LAMB1: variants seen among roughly 807,000 people sequenced by gnomAD.
LAMB1 encodes laminin subunit beta-1.
Under a neutral mutation model 222.3 loss-of-function variants are expected in LAMB1, and 121 were observed. That is an observed-to-expected ratio of 0.54 (90% confidence interval 0.47 to 0.63). The LOEUF (loss-of-function observed/expected upper bound fraction) is 0.63, where lower values mean the gene tolerates loss of function less well. Among genes scored for constraint, LAMB1 ranks in the 30% least tolerant of loss-of-function variants. LAMB1 has a pLI of 0.00. For synonymous variants in LAMB1, 794 were observed against 807.2 expected (o/e 0.98, Z 0.28); for missense variants, 2,172 against 2,240.8 (o/e 0.97, Z 0.62).
chr7:107,944,912 T>C (rs1186617914), intron 24 of LAMB1, among the ~76,000 whole-genome samples: 2 of 152,212 alleles, frequency 1.3e-5, no homozygotes. Context: ...AGTGGGCTCC[T>C]TCTCTCTTAA....
rs779694423 is a variant in LAMB1, at chr7:107,975,399, G to A, written c.1204C>T (p.Pro402Ser). The change falls in exon 11 of 34, where the codon CCA becomes TCA. Residue 402 changes from proline (P) to serine (S), a missense_variant. Coordinates refer to ENST00000222399, the MANE Select transcript of LAMB1 (RefSeq NM_002291.3). ...PNFCERCTCD[P>S]AGSQNEGICD... ...ATTCCCTCATTTTGAGAGCCAGCTG[G>A]GTCACACGTACATCCTGAGAAGAAT... is the stretch of plus-strand genomic sequence containing the variant. The A allele has an allele frequency of 6.8e-6, 11 of 1,612,286 alleles. No individual in the cohort carries two copies. In the East Asian group the frequency reaches 1.8e-4, roughly 26 times the overall value.
chr7:107,935,781 A>G, intron 26 of LAMB1, 125 bp from the exon 27 acceptor site: 1 of 1,103,040 alleles, frequency 9.1e-7, no homozygotes, highest in East Asian at 2.4e-5. Context: ...TCAAGAAAAA[A>G]TATTTATGAA....
chr7:107,929,705 A>G (rs1787431799), intron 29 of LAMB1, 86 bp from the exon 30 acceptor site: 1 of 1,054,118 alleles, frequency 9.5e-7, no homozygotes, highest in African/African-American at 1.6e-5. Flanking sequence ...TCTACTATGG[A>G]CTAGCATGGT....
intron 13 of LAMB1, 80 bp downstream of exon 13, chr7:107,972,912 C>T: frequency 9.0e-7 from 1 of 1,115,070 alleles, no homozygotes; most frequent in Non-Finnish European, 1.4e-6. Context: ...TTTTGAGAAA[C>T]AACTGAATGT....
In LAMB1 at chr7:107,998,359, T is replaced by G; in HGVS notation, c.347A>C (p.Asn116Thr). Residue 116 changes from asparagine to threonine, a missense_variant and splice_region_variant, in exon 4 of 34, where the codon AAT becomes ACT. Physicochemically the swap from Asn to Thr is moderately conservative, Grantham distance 65. Transcript: ENST00000222399. ...NRLKIWWQSE[N>T]GVENVTIQLD... Reference sequence around the variant, plus strand: ...TTGTCCCCACACCAACCACATACCATTTTCAGATTGCCACCAAATCTTAAG... The same window carrying G: ...TTGTCCCCACACCAACCACATACCAGTTTCAGATTGCCACCAAATCTTAAG... 2 of 1,613,840 alleles carry G rather than the reference T, an allele frequency of 1.2e-6. No individual in the cohort carries two copies. The highest frequency in any genetic ancestry group is 1.7e-6 in the Non-Finnish European group (2 of 1,179,902).
At position 107,951,305 on chromosome 7, in the gene LAMB1, C is replaced by G; in HGVS notation, c.3312G>C (p.Gln1104His). 1 of 1,614,168 alleles carries G rather than the reference C, an allele frequency of 6.2e-7. No individual in the cohort carries two copies. Among genetic ancestry groups the G allele is most frequent in the South Asian group, 1.1e-5 (1 of 91,088 alleles). ...TGCGGCCTCCAAACCCAGGCATGCA[C>G]TGGCACTGCCCCGTGAACTGCGGCC... ...PSCNEFTGQC[Q>H]CMPGFGGRTC... is the part of the protein sequence containing the mutation. The change falls in exon 24 of 34, where the codon CAG becomes CAC. Residue 1104 changes from glutamine (Q) to histidine (H), a missense_variant. Coordinates refer to ENST00000222399, the MANE Select transcript of LAMB1 (RefSeq NM_002291.3).
chr7:107,981,916 C>T (rs1346669445), intron 7 of LAMB1, among the ~76,000 whole-genome samples: 1 of 152,190 alleles, frequency 6.6e-6, no homozygotes, highest in Non-Finnish European at 1.5e-5. Flanking sequence ...GAGAACATTT[C>T]AAGTTTTTAA....
intron 9 of LAMB1, among the ~76,000 whole-genome samples, chr7:107,977,831 C>G (rs2033898069): frequency 6.6e-6 from 1 of 152,146 alleles, no homozygotes; most frequent in South Asian, 2.1e-4. Flanking sequence ...AGCTGCCAAA[C>G]TACTCAGCTC....
intron 12 of LAMB1, among the ~76,000 whole-genome samples, chr7:107,973,694 G>C (rs1372229243): frequency 1.3e-5 from 2 of 152,128 alleles, no homozygotes; most frequent in Non-Finnish European, 2.9e-5. Flanking sequence ...TGCCCAGGCT[G>C]GAGTGCAGTG....
chr7:108,001,021 G>C (rs2150457896), intron 3 of LAMB1, among the ~76,000 whole-genome samples: 1 of 152,206 alleles, frequency 6.6e-6, no homozygotes, highest in East Asian at 1.9e-4. Context: ...CCTGTATCAG[G>C]GTACCATGGC....
chr7:107,995,978 C>T (rs1484700247), intron 4 of LAMB1, among the ~76,000 whole-genome samples: 5 of 152,078 alleles, frequency 3.3e-5, no homozygotes, highest in Admixed American at 3.3e-4. Flanking sequence ...GTCATTGGAA[C>T]GGATATGAGT....
intron 5 of LAMB1, among the ~76,000 whole-genome samples, chr7:107,990,983 G>A (rs1015507869): frequency 3.9e-5 from 6 of 151,998 alleles, no homozygotes; most frequent in East Asian, 1.9e-4. Flanking sequence ...CTTTATTCTC[G>A]CCATCCCAGT....
intron 31 of LAMB1, among the ~76,000 whole-genome samples, chr7:107,928,175 A>C (rs534385820): frequency 6.6e-6 from 1 of 152,356 alleles, no homozygotes; most frequent in African/African-American, 2.4e-5. Context: ...CCTATGAAAA[A>C]TTCGTAATGA....
In LAMB1 at chr7:107,961,695, A is replaced by G. The variant is rs1316110906; in HGVS notation, c.1858-19T>C. 3.1e-6 allele frequency: 5 copies of G among 1,607,624 alleles called. No individual in the cohort carries two copies. Among genetic ancestry groups the G allele is most frequent in the Non-Finnish European group, 4.3e-6 (5 of 1,174,866 alleles). The stretch of plus-strand genomic sequence containing the variant: ...CGGGTAGCTAGAATAAGAAACAAAC[A>G]ATGAAAAGATAGTTAGCCCACCACT... On this transcript the variant is annotated intron_variant, in intron 15 of 33. Coordinates refer to ENST00000222399, the MANE Select transcript of LAMB1 (RefSeq NM_002291.3).
chr7:107,957,232 A>T (rs1414819022), intron 20 of LAMB1, among the ~76,000 whole-genome samples: 1 of 152,156 alleles, frequency 6.6e-6, no homozygotes, highest in African/African-American at 2.4e-5. Context: ...TCCCTTAAAA[A>T]TACAAAAGAT....
chr7:107,934,575 G>GA (rs2032794038), intron 27 of LAMB1, among the ~76,000 whole-genome samples: 1 of 152,124 alleles, frequency 6.6e-6, no homozygotes, highest in South Asian at 2.1e-4. Flanking sequence ...AAGCTTCTGG[G>GA]AAATGAATCT....
At chr7:107,996,227 A>T (rs1460243241) in intron 4 of LAMB1, among the ~76,000 whole-genome samples, 2 of 152,224 alleles carry the variant, frequency 1.3e-5, no homozygotes, top group African/African-American at 4.8e-5. Context: ...ACCTAAGAAC[A>T]TATGCTGCAA....
intron 2 of LAMB1, chr7:108,002,114 A>C: frequency 4.1e-6 from 6 of 1,465,390 alleles, no homozygotes; most frequent in Admixed American, 2.1e-5. Flanking sequence ...CTGACCCCCA[A>C]AGGGCCACAC....
At chr7:107,954,591 G>A (rs1316610117) in intron 21 of LAMB1, among the ~76,000 whole-genome samples, 1 of 152,112 alleles carries the variant, frequency 6.6e-6, no homozygotes, top group Non-Finnish European at 1.5e-5. Context: ...TGGCTAACAT[G>A]GTGAAACCCC....
Sources: allele counts gnomAD v4.1 joint callset (sites outside exome capture counted in the v4.1 genomes callset), GRCh38; gene constraint gnomAD v4.1.1; transcripts MANE v1.5; gene names NCBI Gene and HGNC (gene_info 2026-07-23, HGNC 2026-07-21).